Variants in NRXN1 observed in about 807,000 individuals in gnomAD.
NRXN1 encodes the protein neurexin-1.
In NRXN1, 39 loss-of-function variants were observed where a neutral mutation model predicts 150.9. The observed-to-expected ratio is 0.26, with a 90% CI of 0.20 to 0.34. The LOEUF is 0.34. NRXN1 is among the 10% of genes least tolerant of loss of function. NRXN1 has a pLI of 1.00. For synonymous variants in NRXN1, 924 were observed against 757.0 expected, an observed-to-expected ratio of 1.22 and a Z score of -3.62; for missense variants, 1,815 against 1,949.9, an observed-to-expected ratio of 0.93 and a Z score of 1.30.
intron 5 of NRXN1, chr2:50,829,689 C>A (rs554099621): frequency 1.9e-6 from 3 of 1,607,290 alleles, no homozygotes; most frequent in African/African-American, 1.3e-5. Flanking sequence ...CGGAGCGCCG[C>A]GCCAGGCCGC....
intron 8 of NRXN1, among the ~76,000 whole-genome samples, chr2:50,609,352 G>C (rs1677651150): frequency 6.6e-6 from 1 of 152,022 alleles, no homozygotes; most frequent in Non-Finnish European, 1.5e-5. Context: ...TGAAGAGCAG[G>C]GCCCTTCTAT....
chr2:50,881,604 T>G (rs1679439658), intron 5 of NRXN1, among the ~76,000 whole-genome samples: 1 of 151,854 alleles, frequency 6.6e-6, no homozygotes, highest in African/African-American at 2.4e-5. Context: ...CACAAGGACT[T>G]CTGAATTATG....
intron 8 of NRXN1, among the ~76,000 whole-genome samples, chr2:50,598,521 A>G (rs1474281726): frequency 6.6e-6 from 1 of 151,222 alleles, no homozygotes; most frequent in Non-Finnish European, 1.5e-5. Context: ...CATACTTATA[A>G]GCTGTAATCC....
At chr2:50,011,601 T>A (rs1442413659) in intron 21 of NRXN1, among the ~76,000 whole-genome samples, 1 of 152,126 alleles carries the variant, frequency 6.6e-6, no homozygotes, top group African/African-American at 2.4e-5. Flanking sequence ...TATATTTATA[T>A]AATTTTATAA....
At chr2:50,163,186 A>ATATATATATATATATATAT (rs10671380) in intron 18 of NRXN1, among the ~76,000 whole-genome samples, 7 of 143,554 alleles carry the variant, frequency 4.9e-5, no homozygotes, top group South Asian at 2.1e-4. Context: ...ATATATATAT[A>ATATATATATATATATATAT]AAACAATACT....
chr2:50,015,781 C>A (rs1335369683), intron 21 of NRXN1, among the ~76,000 whole-genome samples: 2 of 152,104 alleles, frequency 1.3e-5, no homozygotes, highest in Admixed American at 6.6e-5. Context: ...GCTGAAAGCA[C>A]ACTGACAGCC....
intron 16 of NRXN1, among the ~76,000 whole-genome samples, chr2:50,471,988 TTAAC>T (rs946339951): frequency 6.6e-6 from 1 of 151,512 alleles, no homozygotes; most frequent in Non-Finnish European, 1.5e-5. Context: ...GTAGAACTGA[TTAAC>T]AAACTAATCA....
intron 8 of NRXN1, among the ~76,000 whole-genome samples, chr2:50,607,881 T>C (rs1677390011): frequency 6.6e-6 from 1 of 152,144 alleles, no homozygotes; most frequent in African/African-American, 2.4e-5. Context: ...ACGCACATCA[T>C]TCCAAGACTG....
At chr2:50,367,478 A>G (rs1198220573) in intron 17 of NRXN1, among the ~76,000 whole-genome samples, 1 of 152,000 alleles carries the variant, frequency 6.6e-6, no homozygotes, top group African/African-American at 2.4e-5. Flanking sequence ...TTTATCTAGC[A>G]AATATTTATT....
intron 17 of NRXN1, among the ~76,000 whole-genome samples, chr2:50,395,782 T>C (rs947704967): frequency 3.9e-5 from 6 of 152,258 alleles, no homozygotes; most frequent in Middle Eastern, 3.4e-3. Flanking sequence ...GTCAGACAAC[T>C]TGTCCTACAC....
chr2:50,581,977 C>G (rs1672337508), intron 8 of NRXN1, among the ~76,000 whole-genome samples: 1 of 152,052 alleles, frequency 6.6e-6, no homozygotes, highest in South Asian at 2.1e-4. Context: ...TAATATTTCA[C>G]TCTAGTACAT....
intron 21 of NRXN1, among the ~76,000 whole-genome samples, chr2:50,032,554 G>C (rs1164989424): frequency 6.6e-6 from 1 of 152,050 alleles, no homozygotes; most frequent in African/African-American, 2.4e-5. Context: ...AGAGCTAAAA[G>C]CTGTTTCAAG....
chr2:50,808,580 T>C (rs1018585069), intron 5 of NRXN1, among the ~76,000 whole-genome samples: 4 of 152,078 alleles, frequency 2.6e-5, no homozygotes, highest in Non-Finnish European at 5.9e-5. Flanking sequence ...AATAAATAAA[T>C]GTTTGTGTTC....
At chr2:50,481,061 G>C (rs1350445708) in intron 15 of NRXN1, among the ~76,000 whole-genome samples, 1 of 152,200 alleles carries the variant, frequency 6.6e-6, no homozygotes, top group Non-Finnish European at 1.5e-5. Context: ...AGGGATACAT[G>C]TTACAGATGA....
chr2:49,984,718 A>AACACACAC (rs149322054), intron 21 of NRXN1, among the ~76,000 whole-genome samples: 5,993 of 146,894 alleles, frequency 0.041, 146 homozygotes, highest in African/African-American at 0.047. Context: ...AGAACACACA[A>AACACACAC]ACACACACAC....
chr2:50,981,443 T>C (rs552333950), intron 2 of NRXN1, among the ~76,000 whole-genome samples: 3 of 58,578 alleles, frequency 5.1e-5, no homozygotes, highest in East Asian at 5.6e-4. Context: ...GGGTGACAGA[T>C]AGAAACTCTA....
rs549741581 is a variant in NRXN1, at chr2:50,833,658, T to C, written c.832+88211A>G. On this transcript the variant is annotated intron_variant, in intron 5 of 22. Transcript: ENST00000401669. ...TGGGTAAAGGTGGGAGAAGAGTATA[T>C]CTACAAAAGGACAGCAAGAGGAAGT... is the stretch of plus-strand genomic sequence containing the variant. Among the ~76,000 whole-genome samples the C allele has an allele frequency of 2.0e-5, 3 of 152,262 alleles. 1 individual carries two copies. Among genetic ancestry groups the C allele is most frequent in the South Asian group, 2.1e-4 (1 of 4,830 alleles).
chr2:50,603,288 G>C (rs1260336669), intron 8 of NRXN1, among the ~76,000 whole-genome samples: 5 of 152,120 alleles, frequency 3.3e-5, no homozygotes, highest in Non-Finnish European at 7.4e-5. Flanking sequence ...CTGTTTGATG[G>C]AAACCTGTAA....
Position 50,302,115 on chromosome 2 carries a change from T to C in NRXN1, c.3365-65145A>G, listed in dbSNP as rs545603421. On this transcript the variant is annotated intron_variant, in intron 17 of 22. Transcript: ENST00000401669. ...CAATGAAGATATGTAGGAAAAAAAA[T>C]GAGAAAAAAATATAATGAAGTTAGT... 1.8e-4 allele frequency among the ~76,000 whole-genome samples: 27 copies of C among 147,646 alleles called. No individual in the cohort carries two copies. In the East Asian group the frequency reaches 4.2e-3, roughly 23 times the overall value.
Sources: allele counts gnomAD v4.1 joint callset (sites outside exome capture counted in the v4.1 genomes callset), GRCh38; gene constraint gnomAD v4.1.1; transcripts MANE v1.5; gene names NCBI Gene and HGNC (gene_info 2026-07-23, HGNC 2026-07-21).